The following LRP5 variants were observed in gnomAD, a reference collection of about 807,000 sequenced individuals.
LRP5 encodes low-density lipoprotein receptor-related protein 5.
Under a neutral mutation model 154.1 loss-of-function variants are expected in LRP5, and 62 were observed. That is an observed-to-expected ratio of 0.40 (90% CI 0.33 to 0.50). The LOEUF (loss-of-function observed/expected upper bound fraction) is 0.50, where lower values mean the gene tolerates loss of function less well. Among genes scored for constraint, LRP5 ranks in the 20% least tolerant of loss-of-function variants. The pLI, the probability that LRP5 is intolerant of heterozygous loss-of-function variation, is 0.55. For missense variants in LRP5, 1,915 were observed against 2,336.7 expected (o/e 0.82, Z 3.72); for synonymous variants, 966 against 1,011.5 (o/e 0.96, Z 0.85).
chr11:68,398,556 C>T (rs1422042471), intron 7 of LRP5, among the ~76,000 whole-genome samples: 1 of 151,898 alleles, frequency 6.6e-6, no homozygotes, highest in African/African-American at 2.4e-5. Context: ...GAGCAGGAGT[C>T]GAGAGCTACG....
In LRP5 at chr11:68,433,849, C is replaced by T. The variant is rs367615138; in HGVS notation, c.4000+11C>T. On this transcript the variant is annotated intron_variant, in intron 18 of 22. Transcript: ENST00000294304. The stretch of plus-strand genomic sequence containing the variant: ...AGGCGGACTGTGACGGTGAGGCCCT[C>T]CCCGTCAAGGCTCTGCCAAGACCCT... The T allele has an allele frequency of 2.5e-6, 4 of 1,609,426 alleles. No homozygotes were observed. Among genetic ancestry groups the T allele is most frequent in the Non-Finnish European group, 3.4e-6 (4 of 1,178,162 alleles).
intron 2 of LRP5, among the ~76,000 whole-genome samples, chr11:68,348,548 G>T (rs1349965529): frequency 6.9e-6 from 1 of 145,554 alleles, no homozygotes; most frequent in Non-Finnish European, 1.5e-5. Flanking sequence ...GAACTCGTGG[G>T]GGGGTTGGTT....
intron 4 of LRP5, 65 bp from the exon 5 acceptor site, chr11:68,365,506 C>G: frequency 1.9e-6 from 3 of 1,611,168 alleles, no homozygotes; most frequent in Non-Finnish European, 2.5e-6. Context: ...CAGGATGTGA[C>G]TCATTCAGAA....
rs368045658 is a variant in LRP5, at chr11:68,365,722, C to A, written c.1015+20C>A. 1.8e-4 allele frequency: 2 copies of A among 10,936 alleles called. No individual in the cohort carries two copies. The highest frequency in any genetic ancestry group is 2.2e-4 in the Non-Finnish European group (1 of 4,470). The allele number at this position is 10,936 out of a possible 1,614,324, so 0.7% of individuals were successfully genotyped here. A position where few individuals can be genotyped will look rare whatever the true frequency, so the allele number is the denominator to read the frequency against. ...AGGCAGGTGAGGCGGTGGGACGGGA[C>A]GGGGCGGGCGGGCGGGGCGGGGCCT... On this transcript the variant is annotated intron_variant, in intron 5 of 22. Coordinates refer to ENST00000294304, the MANE Select transcript of LRP5 (RefSeq NM_002335.4).
intron 7 of LRP5, among the ~76,000 whole-genome samples, chr11:68,395,922 C>T (rs530855124): frequency 5.9e-5 from 9 of 152,256 alleles, no homozygotes; most frequent in African/African-American, 1.2e-4. Flanking sequence ...CCTTGCCCAG[C>T]GCCAGGAGCA....
upstream of LRP5, among the ~76,000 whole-genome samples, chr11:68,312,183 C>T (rs958194307): frequency 6.6e-6 from 1 of 152,244 alleles, no homozygotes; most frequent in African/African-American, 2.4e-5. Flanking sequence ...CCTTCTCTGC[C>T]CTCCACAGGT....
intron 5 of LRP5, among the ~76,000 whole-genome samples, chr11:68,376,138 T>C (rs1157673576): frequency 6.7e-6 from 1 of 150,212 alleles, no homozygotes; most frequent in Non-Finnish European, 1.5e-5. Context: ...TCCTGGGAGC[T>C]GTGTGAGGGG....
chr11:68,356,617 C>T (rs1464668249), intron 2 of LRP5, among the ~76,000 whole-genome samples: 5 of 152,192 alleles, frequency 3.3e-5, no homozygotes, highest in African/African-American at 1.2e-4. Flanking sequence ...AGCTGGCTGA[C>T]GCACCATCAC....
chr11:68,391,684 G>A (rs3781590), intron 7 of LRP5, among the ~76,000 whole-genome samples: 52,432 of 152,176 alleles, frequency 0.34, 9,686 homozygotes, highest in African/African-American at 0.43. Flanking sequence ...ATTTCCTGCT[G>A]GAGCTCCTTG....
At position 68,449,071 on chromosome 11, in the gene LRP5, C is replaced by A; in HGVS notation, c.*1C>A. 6.5e-7 allele frequency: 1 copy of A among 1,539,866 alleles called. No individual in the cohort carries two copies. The highest frequency in any genetic ancestry group is 8.7e-7 in the Non-Finnish European group (1 of 1,144,766). On this transcript the variant is annotated 3_prime_UTR_variant, in exon 23 of 23. Coordinates refer to ENST00000294304, the MANE Select transcript of LRP5 (RefSeq NM_002335.4). ...GTCCCCCTGCACGGACTCATCCTGA[C>A]CTCGGCCGGGCCACTCTGGCTTCTC...
chr11:68,438,603 G>A lies in LRP5; in HGVS notation c.4269G>A (p.Pro1423=), dbSNP rs139701701. The change falls in exon 20 of 23, where the codon CCG becomes CCA. Residue 1423 remains proline (P), a synonymous_variant. Coordinates refer to ENST00000294304, the MANE Select transcript of LRP5 (RefSeq NM_002335.4). ...QRYAGANGPF[P]HEYVSGTPHV... is the part of the protein sequence containing the mutation. The stretch of plus-strand genomic sequence containing the variant: ...ATGCGGGGGCCAACGGGCCCTTCCC[G>A]CACGAGTATGTCAGCGGGACCCCGC... The A allele has an allele frequency of 3.1e-5, 50 of 1,613,740 alleles. No homozygotes were observed. The highest frequency in any genetic ancestry group is 4.0e-5 in the Non-Finnish European group (47 of 1,179,966).
intron 16 of LRP5, among the ~76,000 whole-genome samples, chr11:68,429,049 A>G (rs2098670484): frequency 6.9e-6 from 1 of 145,592 alleles, no homozygotes; most frequent in Admixed American, 7.0e-5. Flanking sequence ...GTGAGCCGAG[A>G]TCATGCCACT....
At chr11:68,349,603 G>T (rs2098616589) in intron 2 of LRP5, among the ~76,000 whole-genome samples, 2 of 152,178 alleles carry the variant, frequency 1.3e-5, no homozygotes, top group South Asian at 4.1e-4. Context: ...TCCTAGTCTG[G>T]CTGAGTTCAC....
intron 17 of LRP5, among the ~76,000 whole-genome samples, chr11:68,430,022 T>C (rs1480109628): frequency 2.0e-5 from 3 of 152,200 alleles, no homozygotes; most frequent in Non-Finnish European, 2.9e-5. Flanking sequence ...TTCTAAAGAG[T>C]TGGGGCTTTT....
intron 5 of LRP5, among the ~76,000 whole-genome samples, chr11:68,374,621 G>A (rs1025262560): frequency 2.0e-5 from 3 of 152,102 alleles, no homozygotes; most frequent in East Asian, 1.9e-4. Flanking sequence ...ACTACCACAC[G>A]GTCCAGACAG....
chr11:68,446,149 G>A (rs928937462), intron 21 of LRP5, among the ~76,000 whole-genome samples: 2 of 152,196 alleles, frequency 1.3e-5, no homozygotes, highest in Admixed American at 6.5e-5. Flanking sequence ...TCCTGTCCCC[G>A]CCTTCACAGC....
intron 1 of LRP5, among the ~76,000 whole-genome samples, chr11:68,340,358 C>T (rs533359751): frequency 2.6e-5 from 4 of 152,312 alleles, no homozygotes; most frequent in East Asian, 3.9e-4. Context: ...GAGGCCAGGC[C>T]AGGCTTTGAA....
chr11:68,348,049 C>G lies in LRP5; in HGVS notation c.294C>G (p.Ala98=), dbSNP rs763203475. The part of the protein sequence containing the change: ...KQTYLNQTGA[A]VQNVVISGLV... Reference sequence around the variant, plus strand: ...CCTACCTGAACCAGACGGGGGCCGCCGTGCAGAACGTGGTCATCTCCGGCC... The same window carrying G: ...CCTACCTGAACCAGACGGGGGCCGCGGTGCAGAACGTGGTCATCTCCGGCC... Residue 98 remains alanine, a synonymous_variant, in exon 2 of 23, where the codon GCC becomes GCG. Coordinates refer to ENST00000294304, the MANE Select transcript of LRP5 (RefSeq NM_002335.4). 1 of 1,614,104 alleles carries G rather than the reference C, an allele frequency of 6.2e-7. No homozygotes were observed. The highest frequency in any genetic ancestry group is 1.1e-5 in the South Asian group (1 of 91,084).
chr11:68,419,583 A>G (rs1366800177), intron 13 of LRP5, among the ~76,000 whole-genome samples: 1 of 146,830 alleles, frequency 6.8e-6, no homozygotes, highest in Admixed American at 6.9e-5. Flanking sequence ...TCTATCGCCC[A>G]GGCTGGAGTG....
Sources: gnomAD v4.1 joint callset for allele counts (sites outside exome capture counted in the v4.1 genomes callset) on GRCh38, gnomAD v4.1.1 for gene constraint, MANE v1.5 for transcripts, NCBI Gene and HGNC (gene_info 2026-07-23, HGNC 2026-07-21) for gene names.